Variants in BACH2 observed in about 807,000 individuals in gnomAD.
BACH2 encodes transcription regulator protein BACH2.
Under a neutral mutation model 61.8 loss-of-function variants are expected in BACH2, and 5 were observed. The observed-to-expected ratio is 0.08, with a 90% CI of 0.04 to 0.17. The LOEUF is 0.17. BACH2 is among the 10% of genes least tolerant of loss of function. BACH2 has a pLI of 1.00. For synonymous variants in BACH2, 446 were observed against 440.1 expected (o/e 1.01, Z -0.17); for missense variants, 824 against 1,091.1 (o/e 0.76, Z 3.45).
rs114941803 is a variant in BACH2, at chr6:90,176,581, G to A, written c.-162+29988C>T. Among the ~76,000 whole-genome samples the A allele has an allele frequency of 6.2e-3, 945 of 152,268 alleles. 18 individuals are homozygous for A. Among genetic ancestry groups the A allele is most frequent in the African/African-American group, 0.021 (856 of 41,556 alleles). On this transcript the variant is annotated intron_variant, in intron 4 of 8. Coordinates refer to ENST00000257749, the MANE Select transcript of BACH2 (RefSeq NM_021813.4). ...TAGATCAGGGAAACGACACACCGGA[G>A]GAGAGGGATGTAGGGGCAGAAAAGA...
At chr6:90,038,629 T>C (rs1321144586) in intron 5 of BACH2, among the ~76,000 whole-genome samples, 2 of 152,164 alleles carry the variant, frequency 1.3e-5, no homozygotes, top group Non-Finnish European at 2.9e-5. Context: ...GCCATCCAGT[T>C]CCATTTTCTA....
At chr6:90,286,954 A>G (rs1772037489) in intron 1 of BACH2, among the ~76,000 whole-genome samples, 1 of 152,320 alleles carries the variant, frequency 6.6e-6, no homozygotes, top group Admixed American at 6.5e-5. Flanking sequence ...TGCAAAAACA[A>G]AGGAGAGGTA....
chr6:90,151,846 T>C (rs761030545), intron 4 of BACH2, among the ~76,000 whole-genome samples: 1 of 152,234 alleles, frequency 6.6e-6, no homozygotes, highest in Non-Finnish European at 1.5e-5. Context: ...TATGTCTTTA[T>C]AGTTCAGACA....
Position 90,214,751 on chromosome 6 carries a change from CTTTTTTTTTT to C in BACH2, c.-274-8080_-274-8071del, listed in dbSNP as rs563651580. ...CTTTTCTGGGGCTTAGATTCTGTTC[CTTTTTTTTTT>C]TTTTTTTTTTTTTTTTCTGAGACAG... On this transcript the variant is annotated intron_variant, in intron 3 of 8. Coordinates refer to ENST00000257749, the MANE Select transcript of BACH2 (RefSeq NM_021813.4). Among the ~76,000 whole-genome samples, 32 of 94,308 alleles carry C rather than the reference CTTTTTTTTTT, an allele frequency of 3.4e-4. 1 individual carries two copies. Among genetic ancestry groups the C allele is most frequent in the Admixed American group, 1.2e-3 (9 of 7,726 alleles). 61.9% of individuals were successfully genotyped at this position (94,308 alleles called of 152,430 possible). A position where few individuals can be genotyped will look rare whatever the true frequency, so the allele number is the denominator to read the frequency against.
Position 89,938,321 on chromosome 6 carries a change from G to C in BACH2, c.1866C>G (p.Ile622Met). 6.2e-7 allele frequency: 1 copy of C among 1,614,098 alleles called. No individual in the cohort carries two copies. The highest frequency in any genetic ancestry group is 8.5e-7 in the Non-Finnish European group (1 of 1,179,930). Residue 622 changes from isoleucine (I) to methionine (M), a missense_variant, in exon 8 of 9, where the codon ATC becomes ATG. By Grantham distance (10) the Ile-to-Met change is conservative (BLOSUM62 1). Transcript: ENST00000257749. ...EVKLPFPVDQITDLPRNDFQM... is the reference protein window; with the variant it reads ...EVKLPFPVDQMTDLPRNDFQM... Reference sequence around the variant, plus strand: ...GGAAATCGTTCCTTGGAAGATCTGTGATTTGATCTACAGGAAAAGGAAGTT... The same window carrying C: ...GGAAATCGTTCCTTGGAAGATCTGTCATTTGATCTACAGGAAAAGGAAGTT...
At chr6:90,101,109 G>A (rs984106260) in intron 4 of BACH2, among the ~76,000 whole-genome samples, 1 of 152,104 alleles carries the variant, frequency 6.6e-6, no homozygotes, top group Non-Finnish European at 1.5e-5. Context: ...TGAGCATTGA[G>A]CTGTAAGAAT....
intron 4 of BACH2, among the ~76,000 whole-genome samples, chr6:90,133,745 A>C (rs550511637): frequency 1.3e-5 from 2 of 151,964 alleles, no homozygotes; most frequent in Admixed American, 6.6e-5. Context: ...CCTGTGTCCA[A>C]GTGTTCTCAT....
In BACH2 at chr6:89,927,681, C is replaced by T. The variant is rs2128350933; in HGVS notation, c.*4727G>A. The T allele has an allele frequency of 6.5e-6, 1 of 152,886 alleles. No homozygotes were observed. Among genetic ancestry groups the T allele is most frequent in the South Asian group, 2.1e-4 (1 of 4,822 alleles). 9.5% of individuals were successfully genotyped at this position (152,886 alleles called of 1,614,324 possible). A position where few individuals can be genotyped will look rare whatever the true frequency, so the allele number is the denominator to read the frequency against. On this transcript the variant is annotated 3_prime_UTR_variant, in exon 9 of 9. Transcript: ENST00000257749. Reference sequence around the variant, plus strand: ...GTGGGTATTCTTCACAAAATGGCAGCATCGTTTTCATATTACATTTAAAAT... The same window carrying T: ...GTGGGTATTCTTCACAAAATGGCAGTATCGTTTTCATATTACATTTAAAAT...
At chr6:89,972,979 A>T (rs1377924404) in intron 6 of BACH2, among the ~76,000 whole-genome samples, 1 of 152,150 alleles carries the variant, frequency 6.6e-6, no homozygotes, top group Non-Finnish European at 1.5e-5. Context: ...AATCTCAGCT[A>T]CTCGGGAGTC....
chr6:90,014,770 G>C (rs1386103645), intron 5 of BACH2, among the ~76,000 whole-genome samples: 4 of 151,176 alleles, frequency 2.6e-5, no homozygotes, highest in African/African-American at 7.3e-5. Context: ...ACCGCCCCTG[G>C]CCTTTTTATT....
intron 4 of BACH2, among the ~76,000 whole-genome samples, chr6:90,176,723 TC>T (rs1767995253): frequency 6.6e-6 from 1 of 152,046 alleles, no homozygotes; most frequent in Non-Finnish European, 1.5e-5. Context: ...GGTGACAGAG[TC>T]CAATTGCCCA....
chr6:90,278,592 A>G (rs1052005185), intron 1 of BACH2, among the ~76,000 whole-genome samples: 16 of 152,216 alleles, frequency 1.1e-4, no homozygotes, highest in South Asian at 2.1e-4. Context: ...CCTGTGTGAT[A>G]CTTATTTTAA....
At chr6:90,150,894 T>C (rs1436732087) in intron 4 of BACH2, among the ~76,000 whole-genome samples, 1 of 152,186 alleles carries the variant, frequency 6.6e-6, no homozygotes, top group Non-Finnish European at 1.5e-5. Context: ...TCAGCGGTGT[T>C]GCCTAAAGCA....
rs1445837108 is a variant in BACH2, at chr6:90,236,178, A to G, written c.-275+16335T>C. ...TTCCTTCATTCATTTATTCAATCAT[A>G]TAAGAAACATTTATTGAGCACCACC... On this transcript the variant is annotated intron_variant, in intron 3 of 8. Coordinates refer to ENST00000257749, the MANE Select transcript of BACH2 (RefSeq NM_021813.4). Among the ~76,000 whole-genome samples the G allele has an allele frequency of 2.0e-5, 3 of 152,260 alleles. No individual in the cohort carries two copies. In the East Asian group the frequency reaches 5.8e-4, roughly 29 times the overall value.
intron 5 of BACH2, among the ~76,000 whole-genome samples, chr6:90,030,714 A>G (rs1778927625): frequency 6.6e-6 from 1 of 152,092 alleles, no homozygotes; most frequent in African/African-American, 2.4e-5. Context: ...AATAATTAAT[A>G]GCTTACCAAC....
chr6:89,933,005 G>T, intron 8 of BACH2, 115 bp from the exon 9 acceptor site: 1 of 1,178,580 alleles, frequency 8.5e-7, no homozygotes, highest in Non-Finnish European at 1.2e-6. Flanking sequence ...TGTAACTCAA[G>T]AATGACTAGG....
At chr6:90,141,307 A>G (rs1018903734) in intron 4 of BACH2, among the ~76,000 whole-genome samples, 1 of 152,028 alleles carries the variant, frequency 6.6e-6, no homozygotes, top group Non-Finnish European at 1.5e-5. Context: ...CAGCCTCCTG[A>G]GTAGCTGGGA....
At chr6:90,136,864 C>A (rs1784288191) in intron 4 of BACH2, among the ~76,000 whole-genome samples, 1 of 149,058 alleles carries the variant, frequency 6.7e-6, no homozygotes, top group Non-Finnish European at 1.5e-5. Flanking sequence ...TTAAATCCTA[C>A]AAAGAAATAG....
chr6:90,226,199 C>T (rs893817303), intron 3 of BACH2, among the ~76,000 whole-genome samples: 3 of 152,186 alleles, frequency 2.0e-5, no homozygotes, highest in Non-Finnish European at 2.9e-5. Context: ...TTTATGATCA[C>T]AGCAAGGCTT....
Sources: gnomAD v4.1 joint callset for allele counts (sites outside exome capture counted in the v4.1 genomes callset) on GRCh38, gnomAD v4.1.1 for gene constraint, MANE v1.5 for transcripts, NCBI Gene and HGNC (gene_info 2026-07-23, HGNC 2026-07-21) for gene names.